The following HPSE2 variants were observed in gnomAD, a reference collection of about 807,000 sequenced individuals.
The protein encoded by HPSE2 is heparanase 2 (inactive), also known as inactive heparanase-2.
A neutral mutation model predicts 60.5 loss-of-function variants in HPSE2; 38 were observed. That is an observed-to-expected ratio of 0.63 (90% CI 0.48 to 0.82). The LOEUF is 0.82. Among genes scored for constraint, HPSE2 ranks in the 40% least tolerant of loss-of-function variants. HPSE2 has a pLI of 0.00. For synonymous variants in HPSE2, 295 were observed against 293.2 expected, an observed-to-expected ratio of 1.01 and a Z score of -0.06; for missense variants, 713 against 740.4, an observed-to-expected ratio of 0.96 and a Z score of 0.43.
intron 3 of HPSE2, among the ~76,000 whole-genome samples, chr10:99,021,822 CAA>C (rs35445914): frequency 0.49 from 69,921 of 141,882 alleles, 18,700 homozygotes; most frequent in East Asian, 0.63. Flanking sequence ...CTATCTACAC[CAA>C]AAAAAAAAAA....
At chr10:99,226,948 C>G (rs1177179106) in intron 2 of HPSE2, among the ~76,000 whole-genome samples, 1 of 151,864 alleles carries the variant, frequency 6.6e-6, no homozygotes, top group Non-Finnish European at 1.5e-5. Flanking sequence ...CTTTGTCTAG[C>G]ATGAAACTAA....
Position 98,459,690 on chromosome 10 carries a change from G to A in HPSE2, c.1663C>T (p.Leu555Phe). The change falls in exon 12 of 12, where the codon CTC becomes TTC. Residue 555 changes from leucine (L) to phenylalanine (F), a missense_variant. Physicochemically the swap from Leu to Phe is conservative, Grantham distance 22. Coordinates refer to ENST00000370552, the MANE Select transcript of HPSE2 (RefSeq NM_021828.5). ...QPLVMVDDGTLPELKPRPLRA... is the reference protein window; with the variant it reads ...QPLVMVDDGTFPELKPRPLRA... The stretch of plus-strand genomic sequence containing the variant: ...AGGGGGCGGGGCTTCAATTCTGGGA[G>A]GGTCCCGTCGTCCACCATCACTAAG... 6.2e-7 allele frequency: 1 copy of A among 1,614,088 alleles called. No homozygotes were observed. The highest frequency in any genetic ancestry group is 8.5e-7 in the Non-Finnish European group (1 of 1,180,004).
chr10:98,509,971 GCA>G (rs1170575215), intron 9 of HPSE2, among the ~76,000 whole-genome samples: 3 of 150,480 alleles, frequency 2.0e-5, no homozygotes, highest in Non-Finnish European at 4.4e-5. Flanking sequence ...ACACACACAC[GCA>G]CACACACACA....
At chr10:98,531,356 C>A (rs1943126043) in intron 9 of HPSE2, among the ~76,000 whole-genome samples, 1 of 152,120 alleles carries the variant, frequency 6.6e-6, no homozygotes, top group East Asian at 1.9e-4. Flanking sequence ...GTATGGTACC[C>A]CTTTCCGATG....
intron 3 of HPSE2, among the ~76,000 whole-genome samples, chr10:98,878,111 G>C (rs573009165): frequency 2.7e-4 from 41 of 151,970 alleles, no homozygotes; most frequent in African/African-American, 9.6e-4. Context: ...CTGAAAACCT[G>C]GACAAAATAT....
chr10:98,568,814 T>C (rs1054768284), intron 9 of HPSE2, among the ~76,000 whole-genome samples: 6 of 152,186 alleles, frequency 3.9e-5, no homozygotes, highest in Admixed American at 2.0e-4. Context: ...TCCACCCAGC[T>C]AAGGAAGACA....
intron 3 of HPSE2, among the ~76,000 whole-genome samples, chr10:98,788,810 C>T (rs1012439393): frequency 5.3e-5 from 8 of 150,932 alleles, no homozygotes; most frequent in South Asian, 2.1e-4. Flanking sequence ...GGCTCGAGCA[C>T]GGTGCGCACA....
chr10:98,561,220 G>A (rs1209987064), intron 9 of HPSE2, among the ~76,000 whole-genome samples: 2 of 149,672 alleles, frequency 1.3e-5, no homozygotes, highest in African/African-American at 4.9e-5. Flanking sequence ...ACACTGGAGT[G>A]CAGTGGCATG....
Position 98,600,911 on chromosome 10 carries a change from G to GTATATATA in HPSE2, c.1320+13985_1320+13992dup, listed in dbSNP as rs71007402. 4.0e-3 allele frequency among the ~76,000 whole-genome samples: 297 copies of GTATATATA among 73,688 alleles called. 3 individuals are homozygous for GTATATATA. Among genetic ancestry groups the GTATATATA allele is most frequent in the African/African-American group, 0.01 (282 of 26,984 alleles). The allele number at this position is 73,688 out of a possible 152,430, so 48.3% of individuals were successfully genotyped here. On this transcript the variant is annotated intron_variant, in intron 9 of 11. Coordinates refer to ENST00000370552, the MANE Select transcript of HPSE2 (RefSeq NM_021828.5). ...TATATACGTATATATATGTGTGTGT[G>GTATATATA]TATATATATATATATATATATATAT...
chr10:99,230,228 A>C (rs1453955648), intron 2 of HPSE2, among the ~76,000 whole-genome samples: 1 of 152,178 alleles, frequency 6.6e-6, no homozygotes, highest in African/African-American at 2.4e-5. Flanking sequence ...AGCTATGAGG[A>C]AACATTTTTT....
intron 4 of HPSE2, among the ~76,000 whole-genome samples, chr10:98,736,178 C>A (rs1050522148): frequency 6.7e-6 from 1 of 149,748 alleles, no homozygotes; most frequent in Non-Finnish European, 1.5e-5. Context: ...CTCGCAAGAG[C>A]TGAGGATTTT....
chr10:98,951,128 C>T (rs967133453), intron 3 of HPSE2, among the ~76,000 whole-genome samples: 3 of 152,142 alleles, frequency 2.0e-5, no homozygotes, highest in Non-Finnish European at 4.4e-5. Context: ...ATGAAAGAGC[C>T]ATTTTAATAG....
the HPSE2 span, among the ~76,000 whole-genome samples, chr10:99,260,365 C>A: frequency 6.6e-6 from 1 of 152,108 alleles, no homozygotes. Context: ...AGGACTCTTT[C>A]GGGAGACTGG....
chr10:99,067,188 T>C (rs1221566136), intron 3 of HPSE2, among the ~76,000 whole-genome samples: 1 of 152,216 alleles, frequency 6.6e-6, no homozygotes, highest in Non-Finnish European at 1.5e-5. Flanking sequence ...TGGCTTTGCA[T>C]GGTACACCCC....
chr10:98,692,482 C>T (rs369721320), intron 6 of HPSE2, among the ~76,000 whole-genome samples: 103 of 152,244 alleles, frequency 6.8e-4, no homozygotes, highest in African/African-American at 2.0e-3. Flanking sequence ...CACAAACAAA[C>T]TTAAGGCCGG....
At chr10:98,778,774 AGAT>A (rs1314488543) in intron 3 of HPSE2, among the ~76,000 whole-genome samples, 1 of 152,212 alleles carries the variant, frequency 6.6e-6, no homozygotes, top group Non-Finnish European at 1.5e-5. Context: ...TGATTAAATC[AGAT>A]GATCTCCAAT....
chr10:98,965,811 T>A (rs979252290), intron 3 of HPSE2, among the ~76,000 whole-genome samples: 4 of 152,212 alleles, frequency 2.6e-5, no homozygotes, highest in Admixed American at 6.5e-5. Flanking sequence ...TAACATTACA[T>A]GCTCCTTGAA....
intron 2 of HPSE2, among the ~76,000 whole-genome samples, chr10:99,183,259 G>A (rs1027275595): frequency 2.0e-5 from 3 of 152,084 alleles, no homozygotes; most frequent in African/African-American, 7.2e-5. Flanking sequence ...TTCACAAAGA[G>A]CAAAAGCTCC....
chr10:99,232,630 GCC>G lies in HPSE2; in HGVS notation c.291-127_291-126del, dbSNP rs1225710998. 9.0e-5 allele frequency: 98 copies of G among 1,094,564 alleles called. No homozygotes were observed. In the African/African-American group the frequency reaches 1.4e-3, roughly 16 times the overall value. The allele number at this position is 1,094,564 out of a possible 1,614,324, so 67.8% of individuals were successfully genotyped here. A position where few individuals can be genotyped will look rare whatever the true frequency, so the allele number is the denominator to read the frequency against. On this transcript the variant is annotated intron_variant, in intron 1 of 11. Coordinates refer to ENST00000370552, the MANE Select transcript of HPSE2 (RefSeq NM_021828.5). Reference sequence around the variant, plus strand: ...GGCCGGGGCTAGAGGCTCTGTGCCTGCCCCAGCCGGCAGTCCACGCTGGCCCT... The same window carrying G: ...GGCCGGGGCTAGAGGCTCTGTGCCTGCCAGCCGGCAGTCCACGCTGGCCCT...
Sources: allele counts gnomAD v4.1 joint callset (sites outside exome capture counted in the v4.1 genomes callset), GRCh38; gene constraint gnomAD v4.1.1; transcripts MANE v1.5; gene names NCBI Gene and HGNC (gene_info 2026-07-23, HGNC 2026-07-21).